POLR1A: variants seen among roughly 807,000 people sequenced by gnomAD.
POLR1A encodes RNA polymerase I subunit A, also known as DNA-directed RNA polymerase I subunit RPA1.
POLR1A carries 84 observed loss-of-function variants against 205.3 expected under a neutral mutation model. The observed-to-expected ratio is 0.41, with a 90% CI of 0.34 to 0.49. POLR1A has a LOEUF of 0.49. Ranked by LOEUF, POLR1A falls within the 20% of genes least tolerant of loss-of-function variation. POLR1A has a pLI of 0.22. For missense variants in POLR1A, 1,645 were observed against 2,204.5 expected, an observed-to-expected ratio of 0.75 and a Z score of 5.08; for synonymous variants, 799 against 863.7, an observed-to-expected ratio of 0.93 and a Z score of 1.31.
intron 12 of POLR1A, among the ~76,000 whole-genome samples, chr2:86,072,672 T>C (rs897877719): frequency 2.0e-5 from 3 of 152,220 alleles, no homozygotes; most frequent in African/African-American, 7.2e-5. Flanking sequence ...AAGGCCTGCT[T>C]CTGGCAGGCT....
At chr2:86,069,994 G>A in intron 13 of POLR1A, 24 bp downstream of exon 13, 1 of 1,604,710 alleles carries the variant, frequency 6.2e-7, no homozygotes, top group South Asian at 1.1e-5. Context: ...GATGACCACG[G>A]AACAGCCTCA....
Position 86,065,241 on chromosome 2 carries a change from T to A in POLR1A, c.2058+33A>T, listed in dbSNP as rs1224597041. ...TTTACATGAGTGGCCTATTTCCTTTTGTTACATACACTGGCTGTTCTCTCC... is the reference window on the plus strand; with the variant it reads ...TTTACATGAGTGGCCTATTTCCTTTAGTTACATACACTGGCTGTTCTCTCC... On this transcript the variant is annotated intron_variant, in intron 14 of 33. Transcript: ENST00000263857. 3 of 1,587,582 alleles carry A rather than the reference T, an allele frequency of 1.9e-6. No individual in the cohort carries two copies. In the East Asian group the frequency reaches 6.7e-5, roughly 35 times the overall value.
At chr2:86,035,309 G>A (rs1168252430) in intron 27 of POLR1A, among the ~76,000 whole-genome samples, 1 of 152,246 alleles carries the variant, frequency 6.6e-6, no homozygotes, top group East Asian at 1.9e-4. Flanking sequence ...GATGAGAGAA[G>A]GCCGGGCTTG....
intron 13 of POLR1A, among the ~76,000 whole-genome samples, chr2:86,067,336 T>C (rs186274872): frequency 1.3e-5 from 2 of 152,318 alleles, no homozygotes; most frequent in East Asian, 3.9e-4. Context: ...GGTATCCCTG[T>C]AACTTGAATT....
rs1673285824 is a variant in POLR1A, at chr2:86,076,451, A to G, written c.1381-1191T>C. 2.0e-5 allele frequency among the ~76,000 whole-genome samples: 3 copies of G among 152,354 alleles called. No individual in the cohort carries two copies. In the Middle Eastern group the frequency reaches 0.01, roughly 518 times the overall value. The stretch of plus-strand genomic sequence containing the variant: ...TGGACACTGCTTTATATGGGAGCAC[A>G]TTAGTCTGTGCTTCACTGCTGGTCT... On this transcript the variant is annotated intron_variant, in intron 11 of 33. Transcript: ENST00000263857.
At chr2:86,093,002 A>C (rs886471689) in intron 3 of POLR1A, among the ~76,000 whole-genome samples, 2 of 152,248 alleles carry the variant, frequency 1.3e-5, no homozygotes, top group South Asian at 2.1e-4. Flanking sequence ...AAAAGGTAAT[A>C]TATCATAAAC....
At chr2:86,039,273 G>A in intron 26 of POLR1A, 54 bp downstream of exon 26, 2 of 1,591,408 alleles carry the variant, frequency 1.3e-6, no homozygotes, top group Non-Finnish European at 1.7e-6. Context: ...CACATGGGGA[G>A]GATATAGGAA....
chr2:86,030,370 C>T lies in POLR1A; in HGVS notation c.4605G>A (p.Lys1535=). The T allele has an allele frequency of 6.2e-7, 1 of 1,614,024 alleles. No individual in the cohort carries two copies. The highest frequency in any genetic ancestry group is 8.5e-7 in the Non-Finnish European group (1 of 1,179,942). Residue 1535 remains lysine, a synonymous_variant, in exon 31 of 34, where the codon AAG becomes AAA. Transcript: ENST00000263857. ...CCAGGGAGCTCATGTCAAAGTTGAT[C>T]TTCATCAGAGGGAGCTTCACTGTCA... is the stretch of plus-strand genomic sequence containing the variant. ...CQVTVKLPLM[K]INFDMSSLVV...
intron 19 of POLR1A, among the ~76,000 whole-genome samples, chr2:86,046,898 T>G (rs6741815): frequency 0.012 from 1,872 of 152,246 alleles, 47 homozygotes; most frequent in African/African-American, 0.043. Context: ...TATACATAAT[T>G]TATCTATATA....
chr2:86,084,209 T>C (rs1284077019), intron 6 of POLR1A, among the ~76,000 whole-genome samples: 4 of 151,998 alleles, frequency 2.6e-5, no homozygotes, highest in African/African-American at 9.7e-5. Flanking sequence ...GAGCTTGCAG[T>C]GAGCGGAGAT....
intron 1 of POLR1A, among the ~76,000 whole-genome samples, chr2:86,102,277 T>A (rs962760756): frequency 2.0e-5 from 3 of 152,208 alleles, no homozygotes; most frequent in Non-Finnish European, 4.4e-5. Context: ...GCTTCCACTT[T>A]CTCCACACCC....
intron 6 of POLR1A, among the ~76,000 whole-genome samples, chr2:86,085,032 G>A (rs543171419): frequency 5.9e-5 from 9 of 152,136 alleles, no homozygotes; most frequent in Non-Finnish European, 1.3e-4. Context: ...CACGATCTTC[G>A]CTCACTGCAA....
chr2:86,030,843 C>A (rs534852337), intron 30 of POLR1A, among the ~76,000 whole-genome samples: 1 of 152,310 alleles, frequency 6.6e-6, no homozygotes, highest in East Asian at 1.9e-4. Context: ...TTTAAGGGAA[C>A]CATGAAATCC....
intron 19 of POLR1A, 24 bp downstream of exon 19, chr2:86,047,141 C>T (rs1407515193): frequency 1.3e-6 from 2 of 1,569,764 alleles, no homozygotes; most frequent in South Asian, 2.2e-5. Flanking sequence ...ACCTGTAAAG[C>T]TGCCAACCCG....
At chr2:86,079,231 T>G (rs1003838964) in intron 9 of POLR1A, among the ~76,000 whole-genome samples, 37 of 152,188 alleles carry the variant, frequency 2.4e-4, no homozygotes, top group African/African-American at 8.9e-4. Flanking sequence ...CATAAAACAC[T>G]CAGGGTCCCC....
At chr2:86,043,631 G>A (rs1558766454) in intron 22 of POLR1A, among the ~76,000 whole-genome samples, 1 of 152,124 alleles carries the variant, frequency 6.6e-6, no homozygotes, top group Non-Finnish European at 1.5e-5. Flanking sequence ...TTCCCTATCT[G>A]CAAATGGGGT....
intron 27 of POLR1A, among the ~76,000 whole-genome samples, chr2:86,034,990 C>A (rs1175313737): frequency 6.6e-6 from 1 of 152,164 alleles, no homozygotes; most frequent in Admixed American, 6.5e-5. Context: ...CATGCCTCAG[C>A]CTTCTGAGTA....
In POLR1A at chr2:86,028,550, G is replaced by A. The variant is rs775197336; in HGVS notation, c.4897+44C>T. 5 of 1,423,814 alleles carry A rather than the reference G, an allele frequency of 3.5e-6. No homozygotes were observed. The highest frequency in any genetic ancestry group is 5.0e-6 in the Non-Finnish European group (5 of 1,006,292). The allele number at this position is 1,423,814 out of a possible 1,614,324, so 88.2% of individuals were successfully genotyped here. The stretch of plus-strand genomic sequence containing the variant: ...TCCTGCCGAGCCTTCTGGTGTCCTG[G>A]CTGGTGCCCAGACCTCGGGGTGTTA... On this transcript the variant is annotated intron_variant, in intron 32 of 33. Transcript: ENST00000263857. This position sits in a 1 kb window ranked among gnomAD's most constrained non-coding sequence, Gnocchi z 4.5.
chr2:86,039,274 G>C, intron 26 of POLR1A, 53 bp downstream of exon 26: 2 of 1,592,902 alleles, frequency 1.3e-6, no homozygotes, highest in African/African-American at 2.7e-5. Context: ...ACATGGGGAG[G>C]ATATAGGAAC....
Sources: gnomAD v4.1 joint callset for allele counts (sites outside exome capture counted in the v4.1 genomes callset) on GRCh38, gnomAD v4.1.1 for gene constraint, Gnocchi (gnomAD v3.1) non-coding constraint, MANE v1.5 for transcripts, NCBI Gene and HGNC (gene_info 2026-07-23, HGNC 2026-07-21) for gene names.